The following RFT1 variants were observed in gnomAD, a reference collection of about 807,000 sequenced individuals.
The protein encoded by RFT1 is RFT1 glycolipid translocator homolog, also known as man(5)GlcNAc(2)-PP-dolichol translocation protein RFT1.
RFT1 carries 43 observed loss-of-function variants against 62.2 expected under a neutral mutation model. That is an observed-to-expected ratio of 0.69 (90% CI 0.54 to 0.89). RFT1 has a LOEUF of 0.89. RFT1 is among the 40% of genes least tolerant of loss of function. RFT1 has a pLI of 0.00. For synonymous variants in RFT1, 262 were observed against 264.6 expected, an observed-to-expected ratio of 0.99 and a Z score of 0.10; for missense variants, 605 against 649.9, an observed-to-expected ratio of 0.93 and a Z score of 0.75.
intron 11 of RFT1, among the ~76,000 whole-genome samples, chr3:53,098,114 C>T (rs770233462): frequency 3.3e-5 from 5 of 152,328 alleles, no homozygotes; most frequent in East Asian, 1.9e-4. Flanking sequence ...CACCTAAGTG[C>T]GTCCTAGGTC....
chr3:53,105,783 T>G lies in RFT1; in HGVS notation c.847A>C (p.Asn283His). The change falls in exon 9 of 13, where the codon AAT (asparagine) becomes CAT (histidine). Residue 283 changes from asparagine (N) to histidine (H), a missense_variant. Physicochemically the swap from Asn to His is moderately conservative, Grantham distance 68. Coordinates refer to ENST00000296292, the MANE Select transcript of RFT1 (RefSeq NM_052859.4). ...AATCTGGCCACAAGGGAGCCAAGATTATTCACTATATCATACACACCTACA... is the reference window on the plus strand; with the variant it reads ...AATCTGGCCACAAGGGAGCCAAGATGATTCACTATATCATACACACCTACA... ...GDQGVYDIVN[N>H]LGSLVARLIF... 6.2e-7 allele frequency: 1 copy of G among 1,613,898 alleles called. No individual in the cohort carries two copies. Among genetic ancestry groups the G allele is most frequent in the Non-Finnish European group, 8.5e-7 (1 of 1,179,848 alleles).
chr3:53,071,343 G>A, the RFT1 span, among the ~76,000 whole-genome samples: 1 of 152,150 alleles, frequency 6.6e-6, no homozygotes, highest in African/African-American at 2.4e-5. Context: ...GCTGTTGAGA[G>A]GACCCCTGCG....
At chr3:53,111,384 C>T (rs752842677) in intron 7 of RFT1, among the ~76,000 whole-genome samples, 1 of 149,666 alleles carries the variant, frequency 6.7e-6, no homozygotes, top group African/African-American at 2.5e-5. Context: ...CCAGCTTGGG[C>T]GACGGAGCAA....
intron 7 of RFT1, among the ~76,000 whole-genome samples, chr3:53,110,676 A>G (rs984821412): frequency 6.6e-6 from 1 of 152,188 alleles, no homozygotes; most frequent in African/African-American, 2.4e-5. Context: ...TAAAATAACA[A>G]GATAATAACA....
chr3:53,128,802 C>T (rs558001313), intron 1 of RFT1, among the ~76,000 whole-genome samples: 3 of 152,340 alleles, frequency 2.0e-5, no homozygotes, highest in African/African-American at 4.8e-5. Flanking sequence ...TGAGCCACCG[C>T]GTCCAGCCAA....
At chr3:53,125,764 T>C (rs1702091260) in intron 2 of RFT1, 145 bp downstream of exon 2, 1 of 662,756 alleles carries the variant, frequency 1.5e-6, no homozygotes, top group South Asian at 1.8e-5. Flanking sequence ...TCCTGCACGC[T>C]TCTCCTCAGC....
chr3:53,114,629 G>T (rs910689335), intron 6 of RFT1, among the ~76,000 whole-genome samples: 1 of 152,166 alleles, frequency 6.6e-6, no homozygotes, highest in East Asian at 1.9e-4. Context: ...CACTTGGGGC[G>T]GTCAAAAGAG....
At position 53,092,394 on chromosome 3, in the gene RFT1, C is replaced by A; in HGVS notation, c.1433G>T (p.Ser478Ile). Reference protein sequence around the residue: ...SPVLLGTFALSGGVTAVSEVF... With the variant: ...SPVLLGTFALIGGVTAVSEVF... ...CTCCGAAACAGCAGTAACCCCACCA[C>A]TGAGGGCAAATGTCCCGAGCAGGAC... is the stretch of plus-strand genomic sequence containing the variant. Residue 478 changes from serine (S) to isoleucine (I), a missense_variant, in exon 12 of 13, where the codon AGT becomes ATT. Ser to Ile is a moderately radical substitution (Grantham distance 142). Transcript: ENST00000296292. 6.2e-7 allele frequency: 1 copy of A among 1,604,746 alleles called. No individual in the cohort carries two copies. Among genetic ancestry groups the A allele is most frequent in the Non-Finnish European group, 8.5e-7 (1 of 1,176,230 alleles).
Position 53,104,101 on chromosome 3 carries a change from G to C in RFT1, c.958-4C>G. 1 of 1,614,104 alleles carries C rather than the reference G, an allele frequency of 6.2e-7. No individual in the cohort carries two copies. The highest frequency in any genetic ancestry group is 8.5e-7 in the Non-Finnish European group (1 of 1,180,016). On this transcript the variant is annotated splice_region_variant and splice_polypyrimidine_tract_variant and intron_variant, in intron 9 of 12. Coordinates refer to ENST00000296292, the MANE Select transcript of RFT1 (RefSeq NM_052859.4). Reference sequence around the variant, plus strand: ...CAGCAGCCACAGCAACGTCCTCCTGGGGCCAGGGAAGAGGGAAGGAAGTTG... The same window carrying C: ...CAGCAGCCACAGCAACGTCCTCCTGCGGCCAGGGAAGAGGGAAGGAAGTTG...
chr3:53,105,319 C>T lies in RFT1; in HGVS notation c.957+354G>A, dbSNP rs531046729. On this transcript the variant is annotated intron_variant, in intron 9 of 12. Transcript: ENST00000296292. Reference sequence around the variant, plus strand: ...GTCCCAGCTACTCAGGAGGCTGAGGCAGGAGAATCGTTTGAACCTGGGAGG... The same window carrying T: ...GTCCCAGCTACTCAGGAGGCTGAGGTAGGAGAATCGTTTGAACCTGGGAGG... Among the ~76,000 whole-genome samples the T allele has an allele frequency of 3.3e-4, 50 of 152,186 alleles. 1 individual carries two copies. In the South Asian group the frequency reaches 1.0e-2, roughly 30 times the overall value.
At chr3:53,080,328 G>A in the RFT1 span, among the ~76,000 whole-genome samples, 2 of 152,192 alleles carry the variant, frequency 1.3e-5, no homozygotes, top group African/African-American at 4.8e-5. Flanking sequence ...GGGTTTCCAA[G>A]GCTAAGGACA....
intron 3 of RFT1, among the ~76,000 whole-genome samples, 184 bp from the exon 4 acceptor site, chr3:53,122,747 C>T: frequency 6.6e-6 from 1 of 152,136 alleles, no homozygotes. Context: ...TCACAATGAT[C>T]CTCTGTCATT....
chr3:53,067,897 T>C, the RFT1 span, among the ~76,000 whole-genome samples: 4 of 152,232 alleles, frequency 2.6e-5, no homozygotes, highest in African/African-American at 9.6e-5. Flanking sequence ...GCGATTTTGG[T>C]GGCTTTTATC....
chr3:53,091,691 G>A lies in RFT1; in HGVS notation c.*212C>T, dbSNP rs1281553081. 2 of 611,396 alleles carry A rather than the reference G, an allele frequency of 3.3e-6. No homozygotes were observed. Among genetic ancestry groups the A allele is most frequent in the South Asian group, 1.9e-5 (1 of 52,504 alleles). The allele number at this position is 611,396 out of a possible 1,614,324, so 37.9% of individuals were successfully genotyped here. ...AAACTATTATTTTTAAAGGGCTTTT[G>A]GTCTTCACTTAAAAATGAAACTCCC... On this transcript the variant is annotated 3_prime_UTR_variant, in exon 13 of 13. Transcript: ENST00000296292.
intron 6 of RFT1, among the ~76,000 whole-genome samples, chr3:53,114,358 G>T (rs1701735552): frequency 6.6e-6 from 1 of 152,170 alleles, no homozygotes; most frequent in Admixed American, 6.5e-5. Context: ...TAAAGACAAA[G>T]TTCTTTGGGA....
the RFT1 span, chr3:53,078,130 GAGA>G: frequency 1.3e-5 from 2 of 152,290 alleles, no homozygotes; most frequent in Non-Finnish European, 2.9e-5. Flanking sequence ...AGGCAAAATG[GAGA>G]AGGAGACCAG....
chr3:53,127,483 T>C lies in RFT1; in HGVS notation c.64-1489A>G, dbSNP rs190691218. On this transcript the variant is annotated intron_variant, in intron 1 of 12. Transcript: ENST00000296292. ...TTGGAAGGCCGAGGCTGGCGGATCA[T>C]GAGGTCAGGAGATCGAGACCATCCT... 3.9e-3 allele frequency among the ~76,000 whole-genome samples: 591 copies of C among 152,106 alleles called. 11 individuals carry two copies. Among genetic ancestry groups the C allele is most frequent in the Non-Finnish European group, 6.8e-4 (46 of 67,984 alleles).
At chr3:53,096,114 G>A (rs1443466705) in intron 11 of RFT1, among the ~76,000 whole-genome samples, 7 of 152,050 alleles carry the variant, frequency 4.6e-5, no homozygotes, top group Admixed American at 3.9e-4. Flanking sequence ...CTATATACCC[G>A]TTTTCATTCT....
At chr3:53,109,836 C>CA (rs947877394) in intron 7 of RFT1, among the ~76,000 whole-genome samples, 40 of 151,452 alleles carry the variant, frequency 2.6e-4, no homozygotes, top group Admixed American at 2.4e-3. Flanking sequence ...AAACAAAAAA[C>CA]AAAAAAAACC....
Sources: gnomAD v4.1 joint callset for allele counts (sites outside exome capture counted in the v4.1 genomes callset) on GRCh38, gnomAD v4.1.1 for gene constraint, MANE v1.5 for transcripts, NCBI Gene and HGNC (gene_info 2026-07-23, HGNC 2026-07-21) for gene names.